The following GALNTL6 variants were observed in gnomAD, a reference collection of about 807,000 sequenced individuals.
GALNTL6 encodes the protein polypeptide N-acetylgalactosaminyltransferase like 6.
A neutral mutation model predicts 73.7 loss-of-function variants in GALNTL6; 46 were observed. The ratio of observed to expected loss-of-function variants is 0.62; its 90% confidence interval spans 0.49 to 0.80. The LOEUF (loss-of-function observed/expected upper bound fraction) is 0.80. Ranked by LOEUF, GALNTL6 falls within the 30% of genes least tolerant of loss-of-function variation. The pLI is 0.00. For synonymous variants in GALNTL6, 259 were observed against 263.7 expected, an observed-to-expected ratio of 0.98 and a Z score of 0.17; for missense variants, 604 against 755.0, an observed-to-expected ratio of 0.80 and a Z score of 2.34.
chr4:172,135,068 A>G (rs1733600795), intron 2 of GALNTL6, among the ~76,000 whole-genome samples: 1 of 152,176 alleles, frequency 6.6e-6, no homozygotes, highest in Non-Finnish European at 1.5e-5. Context: ...TTTCAAATTT[A>G]CCATCCATTG....
chr4:172,693,435 G>A (rs910588980), intron 5 of GALNTL6, among the ~76,000 whole-genome samples: 3 of 152,148 alleles, frequency 2.0e-5, no homozygotes, highest in Non-Finnish European at 1.5e-5. Context: ...TTCATCATCT[G>A]TACCAACAAT....
At chr4:172,665,415 G>C (rs894841269) in intron 5 of GALNTL6, among the ~76,000 whole-genome samples, 1 of 152,078 alleles carries the variant, frequency 6.6e-6, no homozygotes, top group African/African-American at 2.4e-5. Flanking sequence ...CCAAATTAAG[G>C]CACACAGCCA....
At chr4:172,898,089 G>C (rs72708729) in intron 8 of GALNTL6, among the ~76,000 whole-genome samples, 16,669 of 152,030 alleles carry the variant, frequency 0.11, 1,256 homozygotes, top group Non-Finnish European at 0.16. Flanking sequence ...TTTTATGTTT[G>C]TATTTTTTCT....
intron 7 of GALNTL6, among the ~76,000 whole-genome samples, chr4:172,871,802 G>A (rs1744959220): frequency 6.9e-6 from 1 of 144,456 alleles, no homozygotes; most frequent in Admixed American, 7.0e-5. Flanking sequence ...GGTTTTTTTG[G>A]TGATGGAGTT....
chr4:172,923,296 G>T (rs1037838099), intron 8 of GALNTL6, among the ~76,000 whole-genome samples: 2 of 151,598 alleles, frequency 1.3e-5, no homozygotes, highest in African/African-American at 4.9e-5. Flanking sequence ...TGGTGGCAGG[G>T]AAGAGAGAAC....
chr4:172,366,668 C>T (rs1742576289), intron 5 of GALNTL6, among the ~76,000 whole-genome samples: 1 of 152,140 alleles, frequency 6.6e-6, no homozygotes, highest in Non-Finnish European at 1.5e-5. Flanking sequence ...CAAAGCACTA[C>T]AGGTCTGTGT....
chr4:172,067,433 G>A (rs187706238), intron 2 of GALNTL6, among the ~76,000 whole-genome samples: 75 of 151,980 alleles, frequency 4.9e-4, no homozygotes, highest in African/African-American at 1.7e-3. Flanking sequence ...AACGACTCTC[G>A]AATTTGCAAT....
chr4:173,024,950 A>G (rs1469973074), intron 12 of GALNTL6, among the ~76,000 whole-genome samples: 1 of 152,144 alleles, frequency 6.6e-6, no homozygotes, highest in African/African-American at 2.4e-5. Context: ...GAGTTCCCCA[A>G]TGCCTTGGAT....
intron 5 of GALNTL6, among the ~76,000 whole-genome samples, chr4:172,352,297 C>T (rs1391945590): frequency 6.6e-6 from 1 of 152,116 alleles, no homozygotes; most frequent in Admixed American, 6.6e-5. Context: ...AGCTTGGTAA[C>T]AGAATGTCAT....
At chr4:172,588,380 G>A (rs1737503787) in intron 5 of GALNTL6, among the ~76,000 whole-genome samples, 1 of 152,016 alleles carries the variant, frequency 6.6e-6, no homozygotes, top group Non-Finnish European at 1.5e-5. Flanking sequence ...GATCACTTGA[G>A]GCCAGGATTT....
chr4:171,924,326 A>C (rs938625703), intron 2 of GALNTL6, among the ~76,000 whole-genome samples: 2 of 152,106 alleles, frequency 1.3e-5, no homozygotes, highest in African/African-American at 4.8e-5. Flanking sequence ...GTGCAGTTTC[A>C]CAGGAGCATG....
At chr4:172,007,436 T>C (rs1740874114) in intron 2 of GALNTL6, among the ~76,000 whole-genome samples, 1 of 152,010 alleles carries the variant, frequency 6.6e-6, no homozygotes, top group African/African-American at 2.4e-5. Context: ...TTATAAAAAC[T>C]ATAAGCAGCG....
intron 5 of GALNTL6, among the ~76,000 whole-genome samples, chr4:172,651,183 C>A (rs1740460089): frequency 6.6e-6 from 1 of 151,992 alleles, no homozygotes; most frequent in African/African-American, 2.4e-5. Flanking sequence ...GACTTCTGGC[C>A]CAAACAAAAA....
At chr4:172,229,815 C>G (rs757051473) in intron 3 of GALNTL6, 51 bp downstream of exon 3, 1 of 1,081,844 alleles carries the variant, frequency 9.2e-7, no homozygotes, top group East Asian at 2.4e-5. Context: ...AGCAGTGTCT[C>G]ATTTGTCACG....
chr4:172,201,325 G>A (rs943648326), intron 2 of GALNTL6, among the ~76,000 whole-genome samples: 1 of 151,960 alleles, frequency 6.6e-6, no homozygotes, highest in Non-Finnish European at 1.5e-5. Flanking sequence ...CCCTGCCTCG[G>A]CCTCCCAAGT....
rs543020265 is a variant in GALNTL6 at position 171,964,847 on chromosome 4, G to T, written c.138+150129G>T. On this transcript the variant is annotated intron_variant, in intron 2 of 12. Transcript: ENST00000506823. Reference sequence around the variant, plus strand: ...CCTTGCCCAACACCATTCCTCTTTCGCAGAGGCAGCCCATACTGATTGGCT... The same window carrying T: ...CCTTGCCCAACACCATTCCTCTTTCTCAGAGGCAGCCCATACTGATTGGCT... 1.2e-4 allele frequency among the ~76,000 whole-genome samples: 18 copies of T among 152,222 alleles called. No homozygotes were observed. The South Asian group carries it at 3.5e-3, about 30-fold the overall frequency.
At chr4:172,562,420 C>A (rs1037737341) in intron 5 of GALNTL6, among the ~76,000 whole-genome samples, 1 of 152,320 alleles carries the variant, frequency 6.6e-6, no homozygotes, top group Non-Finnish European at 1.5e-5. Flanking sequence ...GGGCCCCATT[C>A]TGGCCCTGGG....
chr4:172,376,615 C>G (rs1743040475), intron 5 of GALNTL6, among the ~76,000 whole-genome samples: 2 of 152,054 alleles, frequency 1.3e-5, no homozygotes, highest in African/African-American at 4.8e-5. Context: ...GTATTTAGCC[C>G]CTGAATTCTA....
intron 5 of GALNTL6, among the ~76,000 whole-genome samples, chr4:172,758,781 T>G (rs1174007296): frequency 6.6e-6 from 1 of 152,224 alleles, no homozygotes; most frequent in Non-Finnish European, 1.5e-5. Flanking sequence ...ATATCCATGA[T>G]GTAAACACTA....
Sources: gnomAD v4.1 joint callset for allele counts (sites outside exome capture counted in the v4.1 genomes callset) on GRCh38, gnomAD v4.1.1 for gene constraint, MANE v1.5 for transcripts, NCBI Gene and HGNC (gene_info 2026-07-23, HGNC 2026-07-21) for gene names.